NACC2: variants seen among roughly 807,000 people sequenced by gnomAD.
The protein encoded by NACC2 is nucleus accumbens-associated protein 2.
In NACC2, 8 loss-of-function variants were observed where a neutral mutation model predicts 25.1. The observed-to-expected ratio is 0.32, with a 90% CI of 0.19 to 0.57. The LOEUF (loss-of-function observed/expected upper bound fraction) is 0.57. Ranked by LOEUF, NACC2 falls within the 20% of genes least tolerant of loss-of-function variation. The probability of loss-of-function intolerance (pLI) is 0.89; values close to 1 mark genes in which losing one functional copy is unlikely to be tolerated. For synonymous variants in NACC2, 435 were observed against 294.7 expected, an observed-to-expected ratio of 1.48 and a Z score of -4.88; for missense variants, 644 against 650.2, an observed-to-expected ratio of 0.99 and a Z score of 0.10.
At chr9:136,074,768 A>G (rs549947252) in intron 1 of NACC2, among the ~76,000 whole-genome samples, 34 of 152,094 alleles carry the variant, frequency 2.2e-4, no homozygotes, top group African/African-American at 6.3e-4. Context: ...CAGAGGGCCC[A>G]TGTCGGTGGT....
intron 5 of NACC2, among the ~76,000 whole-genome samples, chr9:136,012,866 G>A (rs1004223474): frequency 5.9e-5 from 9 of 152,330 alleles, no homozygotes; most frequent in African/African-American, 9.6e-5. Context: ...GGCAGAAGCC[G>A]GCCGAACAGA....
At position 136,050,186 on chromosome 9, in the gene NACC2, G is replaced by A. The variant is rs1840798582; in HGVS notation, c.336C>T (p.Ile112=). 4 of 771,840 alleles carry A rather than the reference G, an allele frequency of 5.2e-6. No homozygotes were observed. Among genetic ancestry groups the A allele is most frequent in the South Asian group, 4.1e-5 (3 of 73,510 alleles). The allele number at this position is 771,840 out of a possible 1,614,324, so 47.8% of individuals were successfully genotyped here. A position where few individuals can be genotyped will look rare whatever the true frequency, so the allele number is the denominator to read the frequency against. ...ACATGAGGTCGGTGCCGCGCTCCAC[G>A]ATGTGCTGGATCTGCAGGAAGCCGG... The part of the protein sequence containing the change: ...YTAGFLQIQH[I]VERGTDLMFK... The change falls in exon 2 of 6, where the codon ATC becomes ATT. Residue 112 remains isoleucine (I), a synonymous_variant. Transcript: ENST00000277554.
chr9:136,050,608 G>C (rs1840814628), intron 1 of NACC2, 28 bp from the exon 2 acceptor site: 2 of 697,906 alleles, frequency 2.9e-6, no homozygotes, highest in Admixed American at 4.0e-5. Context: ...CACGTGGTCA[G>C]TTCCTCCAGG....
chr9:136,026,871 C>CTCT (rs1564222740), intron 2 of NACC2, among the ~76,000 whole-genome samples: 1 of 152,172 alleles, frequency 6.6e-6, no homozygotes, highest in Non-Finnish European at 1.5e-5. Context: ...ATGGACAAGA[C>CTCT]GGTAGATTAA....
chr9:136,088,840 A>C (rs533267291), intron 1 of NACC2, among the ~76,000 whole-genome samples: 1 of 152,218 alleles, frequency 6.6e-6, no homozygotes, highest in African/African-American at 2.4e-5. Flanking sequence ...AAAGGGACCT[A>C]CCCCAAGCCC....
rs1437879580 is a variant in NACC2 at position 136,013,906 on chromosome 9, T to C, written c.1115A>G (p.His372Arg). ...CAGGAGCCTCCGCAGCAAGACCTTA[T>C]GCTTCACCCCTGCACACAGGTGGCA... ...MNCHLCAGVK[H>R]KVLLRRLLAT... The change falls in exon 4 of 6, where the codon CAT becomes CGT. Residue 372 changes from histidine (H) to arginine (R), a missense_variant. Coordinates refer to ENST00000277554, the MANE Select transcript of NACC2 (RefSeq NM_144653.5). This position sits in a 1 kb window ranked among gnomAD's most constrained non-coding sequence, Gnocchi z 6.6. 2 of 1,612,996 alleles carry C rather than the reference T, an allele frequency of 1.2e-6. No homozygotes were observed. The highest frequency in any genetic ancestry group is 1.7e-5 in the Admixed American group (1 of 60,012).
intron 1 of NACC2, among the ~76,000 whole-genome samples, chr9:136,060,249 C>T (rs1840988877): frequency 6.6e-6 from 1 of 152,218 alleles, no homozygotes; most frequent in African/African-American, 2.4e-5. Context: ...AGCTCTTTTG[C>T]AACACCGAAG....
chr9:136,065,732 G>C (rs1237818581), intron 1 of NACC2, among the ~76,000 whole-genome samples: 1 of 151,910 alleles, frequency 6.6e-6, no homozygotes, highest in Non-Finnish European at 1.5e-5. Context: ...CTTTAACCTA[G>C]GAGGTTGAGG....
intron 1 of NACC2, among the ~76,000 whole-genome samples, chr9:136,091,058 G>C (rs1772981448): frequency 6.6e-6 from 1 of 152,208 alleles, no homozygotes; most frequent in South Asian, 2.1e-4. Flanking sequence ...CCTTTAGAGA[G>C]ACCCGGAGCC....
intron 2 of NACC2, among the ~76,000 whole-genome samples, chr9:136,046,333 C>T (rs1241702150): frequency 7.2e-5 from 11 of 152,208 alleles, no homozygotes; most frequent in African/African-American, 1.9e-4. Flanking sequence ...CTGCACTGGG[C>T]GTTTCCCTTC....
intron 2 of NACC2, among the ~76,000 whole-genome samples, chr9:136,024,502 A>AGTGTGTGT (rs752059608): frequency 1.7e-4 from 4 of 23,078 alleles, no homozygotes; most frequent in Admixed American, 4.8e-4. Context: ...GTGAGGACAG[A>AGTGTGTGT]ATGTGTGTGT....
At chr9:136,089,626 A>G (rs1361327298) in intron 1 of NACC2, among the ~76,000 whole-genome samples, 2 of 151,480 alleles carry the variant, frequency 1.3e-5, no homozygotes, top group Non-Finnish European at 1.5e-5. Flanking sequence ...CACTTGGCAC[A>G]TCCACAGTTG....
intron 2 of NACC2, among the ~76,000 whole-genome samples, chr9:136,024,131 AGGACAGTGTGTGTGT>A (rs1840338716): frequency 7.1e-6 from 1 of 140,976 alleles, no homozygotes; most frequent in South Asian, 2.3e-4. Flanking sequence ...GGTGCGTGTG[AGGACAGTGTGTGTGT>A]GGGGACAGAG....
chr9:136,011,887 T>G lies in NACC2; in HGVS notation c.1393A>C (p.Met465Leu). The G allele has an allele frequency of 6.3e-7, 1 of 1,574,920 alleles. No individual in the cohort carries two copies. The highest frequency in any genetic ancestry group is 1.2e-5 in the South Asian group (1 of 86,936). The change falls in exon 6 of 6, where the codon ATG becomes CTG. Residue 465 changes from methionine to leucine, a missense_variant. By Grantham distance (15) the Met-to-Leu change is conservative (BLOSUM62 2). Coordinates refer to ENST00000277554, the MANE Select transcript of NACC2 (RefSeq NM_144653.5). Reference sequence around the variant, plus strand: ...GCGGAGCCCATGACCGTGCGGTACATCTCCACGCCCTCCGGCAGCATGGAC... The same window carrying G: ...GCGGAGCCCATGACCGTGCGGTACAGCTCCACGCCCTCCGGCAGCATGGAC... ...IKSMLPEGVE[M>L]YRTVMGSAAA...
chr9:136,075,183 C>T (rs1307116284), intron 1 of NACC2, among the ~76,000 whole-genome samples: 1 of 152,208 alleles, frequency 6.6e-6, no homozygotes, highest in Non-Finnish European at 1.5e-5. Context: ...GGCTGCAACG[C>T]CCCCCACACA....
Position 136,013,165 on chromosome 9 carries a change from G to GCCCCCC in NACC2, c.1255+33_1255+34insGGGGGG. On this transcript the variant is annotated intron_variant, in intron 5 of 5. Coordinates refer to ENST00000277554, the MANE Select transcript of NACC2 (RefSeq NM_144653.5). This position sits in a 1 kb window ranked among gnomAD's most constrained non-coding sequence, Gnocchi z 6.6. ...AGGCTGGGATCTGAACCCAGCCCCGGCCCCACCCACCCGAGAGACCCCCAG... is the reference window on the plus strand; with the variant it reads ...AGGCTGGGATCTGAACCCAGCCCCGGCCCCCCCCCCACCCACCCGAGAGACCCCCAG... 2.3e-5 allele frequency: 16 copies of GCCCCCC among 706,876 alleles called. No individual in the cohort carries two copies. The highest frequency in any genetic ancestry group is 9.1e-5 in the East Asian group (3 of 32,928). The allele number at this position is 706,876 out of a possible 1,614,324, so 43.8% of individuals were successfully genotyped here.
At chr9:136,028,680 C>T (rs1243854275) in intron 2 of NACC2, among the ~76,000 whole-genome samples, 1 of 152,202 alleles carries the variant, frequency 6.6e-6, no homozygotes, top group Non-Finnish European at 1.5e-5. Context: ...TCCACCCTCC[C>T]AGGCGCAGCT....
rs900400250 is a variant in NACC2 at position 136,018,139 on chromosome 9, G to A, written c.887-1710C>T. On this transcript the variant is annotated intron_variant, in intron 2 of 5. Transcript: ENST00000277554. This position sits in a 1 kb window ranked among gnomAD's most constrained non-coding sequence, Gnocchi z 4.4. ...CTCCATGCAGAGCCCACCTGCGGCC[G>A]CACCGCACCAGGACGCTCAGAGGCA... is the stretch of plus-strand genomic sequence containing the variant. Among the ~76,000 whole-genome samples, 4 of 152,256 alleles carry A rather than the reference G, an allele frequency of 2.6e-5. No individual in the cohort carries two copies. The highest frequency in any genetic ancestry group is 9.6e-5 in the African/African-American group (4 of 41,558).
At chr9:136,042,442 C>T (rs565486834) in intron 2 of NACC2, among the ~76,000 whole-genome samples, 3 of 152,112 alleles carry the variant, frequency 2.0e-5, no homozygotes, top group African/African-American at 2.4e-5. Context: ...CCTGCAGGTA[C>T]GTATTCGACT....
Sources: allele counts gnomAD v4.1 joint callset (sites outside exome capture counted in the v4.1 genomes callset), GRCh38; gene constraint gnomAD v4.1.1; non-coding constraint Gnocchi (gnomAD v3.1); transcripts MANE v1.5; gene names NCBI Gene and HGNC (gene_info 2026-07-23, HGNC 2026-07-21).